The following LRP1B variants were observed in gnomAD, a reference collection of about 807,000 sequenced individuals.
LRP1B encodes LDL receptor related protein 1B, also known as low-density lipoprotein receptor-related protein 1B.
In LRP1B, 217 loss-of-function variants were observed where a neutral mutation model predicts 556.6. The observed-to-expected ratio is 0.39, with a 90% CI of 0.35 to 0.44. The LOEUF (loss-of-function observed/expected upper bound fraction) is 0.44, where lower values mean the gene tolerates loss of function less well. LRP1B is among the 20% of genes least tolerant of loss of function. LRP1B has a pLI of 1.00. For missense variants in LRP1B, 5,053 were observed against 5,620.8 expected, an observed-to-expected ratio of 0.90 and a Z score of 3.23; for synonymous variants, 2,047 against 1,865.8, an observed-to-expected ratio of 1.10 and a Z score of -2.50.
At chr2:141,964,944 C>T (rs1399719876) in intron 1 of LRP1B, among the ~76,000 whole-genome samples, 1 of 150,190 alleles carries the variant, frequency 6.7e-6, no homozygotes, top group East Asian at 2.0e-4. Context: ...GGGACATGAA[C>T]AGACACTTCT....
At chr2:141,484,024 A>G (rs1683023412) in intron 2 of LRP1B, among the ~76,000 whole-genome samples, 1 of 152,144 alleles carries the variant, frequency 6.6e-6, no homozygotes, top group South Asian at 2.1e-4. Flanking sequence ...TGTTGTAGAC[A>G]TGAAGTCCTT....
intron 2 of LRP1B, among the ~76,000 whole-genome samples, chr2:141,586,539 C>G (rs1391137005): frequency 6.6e-6 from 1 of 152,094 alleles, no homozygotes. Context: ...GTTTAATGCA[C>G]TCTAGAACAA....
In LRP1B at chr2:140,702,572, T is replaced by C; in HGVS notation, c.6024-19A>G. ...CAAGAGGCTGAAATTAAATTGTTAA[T>C]TTGTAGTGTTTATGTACATTTATTT... On this transcript the variant is annotated intron_variant, in intron 37 of 90. Coordinates refer to ENST00000389484, the MANE Select transcript of LRP1B (RefSeq NM_018557.3). 6.2e-7 allele frequency: 1 copy of C among 1,611,088 alleles called. No individual in the cohort carries two copies. The highest frequency in any genetic ancestry group is 8.5e-7 in the Non-Finnish European group (1 of 1,177,836).
intron 1 of LRP1B, among the ~76,000 whole-genome samples, chr2:142,025,396 C>A (rs570652756): frequency 2.6e-5 from 4 of 152,266 alleles, no homozygotes; most frequent in African/African-American, 7.2e-5. Context: ...CACATTTACT[C>A]AGTGAGGGAA....
intron 3 of LRP1B, among the ~76,000 whole-genome samples, chr2:141,431,432 C>G (rs1427802658): frequency 6.6e-6 from 1 of 152,122 alleles, no homozygotes; most frequent in South Asian, 2.1e-4. Flanking sequence ...ATAATTTTGC[C>G]AACAACCTGA....
At chr2:141,369,327 T>C (rs1360927697) in intron 3 of LRP1B, among the ~76,000 whole-genome samples, 1 of 152,118 alleles carries the variant, frequency 6.6e-6, no homozygotes, top group African/African-American at 2.4e-5. Flanking sequence ...CATCAAGAGA[T>C]AGGTAACATA....
rs543488082 is a variant in LRP1B, at chr2:140,976,702, G to A, written c.2887+5458C>T. ...TTTTTGCTGTTTTTAGTAGAGATGG[G>A]GTTTCACCATGTTTGCCAGGTTGGT... On this transcript the variant is annotated intron_variant, in intron 18 of 90. Coordinates refer to ENST00000389484, the MANE Select transcript of LRP1B (RefSeq NM_018557.3). Among the ~76,000 whole-genome samples the A allele has an allele frequency of 6.6e-5, 10 of 151,296 alleles. 1 individual carries two copies. In the Middle Eastern group the frequency reaches 0.01, roughly 158 times the overall value.
At chr2:141,091,902 T>C (rs1700180427) in intron 7 of LRP1B, among the ~76,000 whole-genome samples, 1 of 152,222 alleles carries the variant, frequency 6.6e-6, no homozygotes, top group South Asian at 2.1e-4. Flanking sequence ...ATTTATTCTT[T>C]GATTTAACCC....
intron 15 of LRP1B, 56 bp downstream of exon 15, chr2:141,005,279 T>C: frequency 6.3e-7 from 1 of 1,582,154 alleles, no homozygotes; most frequent in South Asian, 1.2e-5. Context: ...TTCTTCTGCT[T>C]CTAGTCTTCA....
chr2:141,970,519 T>C (rs868703506), intron 1 of LRP1B, among the ~76,000 whole-genome samples: 7 of 151,618 alleles, frequency 4.6e-5, no homozygotes, highest in African/African-American at 1.7e-4. Flanking sequence ...ATTCATTTAA[T>C]GAGTTACAAA....
intron 2 of LRP1B, among the ~76,000 whole-genome samples, chr2:141,603,931 C>T (rs1240837410): frequency 2.0e-5 from 3 of 152,076 alleles, no homozygotes; most frequent in Non-Finnish European, 4.4e-5. Flanking sequence ...TTCTAAGACC[C>T]AGTTTTGTAA....
intron 10 of LRP1B, among the ~76,000 whole-genome samples, chr2:141,051,130 G>C (rs574391077): frequency 1.3e-5 from 2 of 152,172 alleles, no homozygotes; most frequent in East Asian, 3.9e-4. Context: ...GGAAACAATA[G>C]ATGCTGGCAA....
At chr2:141,098,267 A>G (rs1700369570) in intron 7 of LRP1B, among the ~76,000 whole-genome samples, 1 of 152,098 alleles carries the variant, frequency 6.6e-6, no homozygotes, top group Admixed American at 6.5e-5. Context: ...AAAATATCAT[A>G]TATGAATTTG....
At chr2:140,308,676 G>A (rs1558789205) in intron 83 of LRP1B, among the ~76,000 whole-genome samples, 1 of 150,970 alleles carries the variant, frequency 6.6e-6, no homozygotes, top group East Asian at 1.9e-4. Flanking sequence ...CTAGTTTTAT[G>A]TATATACATG....
intron 3 of LRP1B, among the ~76,000 whole-genome samples, chr2:141,269,869 A>C (rs769155180): frequency 6.6e-6 from 1 of 152,172 alleles, no homozygotes; most frequent in Non-Finnish European, 1.5e-5. Flanking sequence ...TTATAAATAC[A>C]TTTAAAAAAC....
chr2:141,398,212 A>C (rs566316579), intron 3 of LRP1B, among the ~76,000 whole-genome samples: 73 of 152,314 alleles, frequency 4.8e-4, no homozygotes, highest in African/African-American at 1.7e-3. Context: ...AAAGAATGCA[A>C]ATCAACTCAG....
At chr2:141,029,645 A>G (rs1184643842) in intron 11 of LRP1B, among the ~76,000 whole-genome samples, 1 of 152,034 alleles carries the variant, frequency 6.6e-6, no homozygotes, top group Non-Finnish European at 1.5e-5. Flanking sequence ...CTCAGCATTC[A>G]TCCAGGCCTA....
intron 41 of LRP1B, among the ~76,000 whole-genome samples, chr2:140,652,215 GT>G (rs1459777889): frequency 3.3e-5 from 5 of 151,846 alleles, no homozygotes; most frequent in African/African-American, 1.2e-4. Context: ...AAAAAAAACA[GT>G]TGTCATTTTC....
intron 3 of LRP1B, among the ~76,000 whole-genome samples, chr2:141,389,846 T>C (rs967753435): frequency 6.6e-5 from 10 of 152,164 alleles, no homozygotes; most frequent in Non-Finnish European, 1.3e-4. Flanking sequence ...TTCTTTAAAG[T>C]AGATGAACAC....
Sources: allele counts gnomAD v4.1 joint callset (sites outside exome capture counted in the v4.1 genomes callset), GRCh38; gene constraint gnomAD v4.1.1; transcripts MANE v1.5; gene names NCBI Gene and HGNC (gene_info 2026-07-23, HGNC 2026-07-21).